The following ABCA3 variants were observed in gnomAD, a reference collection of about 807,000 sequenced individuals.
ABCA3 encodes the protein phospholipid-transporting ATPase ABCA3.
Under a neutral mutation model 172.8 loss-of-function variants are expected in ABCA3, and 88 were observed. That is an observed-to-expected ratio of 0.51 (90% confidence interval 0.43 to 0.61). The LOEUF is 0.61. ABCA3 is among the 20% of genes least tolerant of loss of function. The pLI is 0.00. For synonymous variants in ABCA3, 1,066 were observed against 983.8 expected, an observed-to-expected ratio of 1.08 and a Z score of -1.56; for missense variants, 2,164 against 2,301.0, an observed-to-expected ratio of 0.94 and a Z score of 1.22.
In ABCA3 at chr16:2,285,058, G is replaced by A; in HGVS notation, c.3484-60C>T. ...CAAGCTGAGAGGAGCTCACGGGTAG[G>A]GAAGGGGTGAGAGGAGCATTTGGAG... is the stretch of plus-strand genomic sequence containing the variant. On this transcript the variant is annotated intron_variant, in intron 23 of 32. Transcript: ENST00000301732. The surrounding 1 kb of genome is among the most constrained non-coding windows in gnomAD (Gnocchi z 4.7). 1.3e-6 allele frequency: 2 copies of A among 1,560,934 alleles called. No homozygotes were observed. The highest frequency in any genetic ancestry group is 2.3e-5 in the South Asian group (2 of 87,246).
At chr16:2,304,500 CTTTTTTTTTTTT>C (rs34874417) in intron 11 of ABCA3, among the ~76,000 whole-genome samples, 6 of 84,050 alleles carry the variant, frequency 7.1e-5, no homozygotes, top group African/African-American at 2.9e-4. Context: ...TAGCATAAGT[CTTTTTTTTTTTT>C]TTTTTTTTTT....
intron 1 of ABCA3, among the ~76,000 whole-genome samples, chr16:2,337,727 T>C (rs988279914): frequency 6.6e-6 from 1 of 152,094 alleles, no homozygotes; most frequent in African/African-American, 2.4e-5. Flanking sequence ...GGGGATGAGG[T>C]AGGAACAAAT....
At chr16:2,280,982 G>A (rs1251952178) in intron 28 of ABCA3, 45 bp downstream of exon 28, 3 of 1,612,714 alleles carry the variant, frequency 1.9e-6, no homozygotes, top group African/African-American at 2.7e-5. Context: ...GCCCCCTCCA[G>A]CCATGCCTGT....
intron 12 of ABCA3, among the ~76,000 whole-genome samples, chr16:2,300,936 C>G (rs2093687909): frequency 6.6e-6 from 1 of 152,192 alleles, no homozygotes; most frequent in Admixed American, 6.5e-5. Flanking sequence ...ATTTTAAAAT[C>G]AGAATGCATC....
At chr16:2,334,607 G>C (rs757502446) in intron 1 of ABCA3, among the ~76,000 whole-genome samples, 1 of 151,020 alleles carries the variant, frequency 6.6e-6, no homozygotes, top group Non-Finnish European at 1.5e-5. Flanking sequence ...CGGCCCCCAG[G>C]TTCAAGTAAG....
At position 2,284,922 on chromosome 16, in the gene ABCA3, A is replaced by G. The variant is rs537603427; in HGVS notation, c.3560T>C (p.Leu1187Pro). 14 of 1,613,944 alleles carry G rather than the reference A, an allele frequency of 8.7e-6. No homozygotes were observed. The highest frequency in any genetic ancestry group is 2.5e-6 in the Non-Finnish European group (3 of 1,179,996). Residue 1187 changes from leucine (L) to proline (P), a missense_variant, in exon 24 of 33, where the codon CTC (leucine) becomes CCC (proline). Physicochemically the swap from Leu to Pro is moderately conservative, Grantham distance 98 (BLOSUM62 -3). Around this residue, in one of 3 missense-constraint regions of ABCA3, gnomAD observed 795 missense variants for 881.9 expected, o/e 0.90. Transcript: ENST00000301732. This position sits in a 1 kb window ranked among gnomAD's most constrained non-coding sequence, Gnocchi z 5.9. ...HMADTLLLLLLYGWAIIPLMY... is the reference protein window; with the variant it reads ...HMADTLLLLLPYGWAIIPLMY... ...GAGGGGGATGATGGCCCAGCCGTAGAGCAGGAGCAGCAGCAGGGTGTCAGC... is the reference window on the plus strand; with the variant it reads ...GAGGGGGATGATGGCCCAGCCGTAGGGCAGGAGCAGCAGCAGGGTGTCAGC...
intron 7 of ABCA3, among the ~76,000 whole-genome samples, chr16:2,321,969 G>A (rs1428839308): frequency 6.6e-6 from 1 of 152,152 alleles, no homozygotes; most frequent in African/African-American, 2.4e-5. Flanking sequence ...GGAAGCCGAG[G>A]TGGGTGAATC....
At chr16:2,276,891 T>C in intron 32 of ABCA3, 86 bp from the exon 33 acceptor site, 2 of 1,552,718 alleles carry the variant, frequency 1.3e-6, no homozygotes, top group South Asian at 1.1e-5. Context: ...CAATAGGGGC[T>C]GATGAGGCCC....
At chr16:2,308,365 G>A (rs2093701065) in intron 11 of ABCA3, 85 bp downstream of exon 11, 3 of 1,548,814 alleles carry the variant, frequency 1.9e-6, no homozygotes, top group Middle Eastern at 3.4e-4. Context: ...CCCAGGTGGA[G>A]CCTTGCTGCT....
chr16:2,278,120 G>A lies in ABCA3; in HGVS notation c.4719-51C>T. 1 of 1,610,266 alleles carries A rather than the reference G, an allele frequency of 6.2e-7. No individual in the cohort carries two copies. Among genetic ancestry groups the A allele is most frequent in the Non-Finnish European group, 8.5e-7 (1 of 1,178,784 alleles). On this transcript the variant is annotated intron_variant, in intron 30 of 32. Transcript: ENST00000301732. This position sits in a 1 kb window ranked among gnomAD's most constrained non-coding sequence, Gnocchi z 4.4. Reference sequence around the variant, plus strand: ...AGGGCTTGGGGTGCCAAAGGCTTGTGCAGACAGGAAGGCATTGGCTCTCCG... The same window carrying A: ...AGGGCTTGGGGTGCCAAAGGCTTGTACAGACAGGAAGGCATTGGCTCTCCG...
Position 2,307,064 on chromosome 16 carries a change from C to T in ABCA3, c.1285+1386G>A, listed in dbSNP as rs573742448. Among the ~76,000 whole-genome samples the T allele has an allele frequency of 8.4e-4, 125 of 149,596 alleles. 1 individual carries two copies. The highest frequency in any genetic ancestry group is 2.8e-3 in the African/African-American group (115 of 40,662). On this transcript the variant is annotated intron_variant, in intron 11 of 32. Coordinates refer to ENST00000301732, the MANE Select transcript of ABCA3 (RefSeq NM_001089.3). ...AGAAAAGAAAAGAAAAAAAGTGAGT[C>T]GTGATGATGCCATTGCACTCCAGGC... is the stretch of plus-strand genomic sequence containing the variant.
intron 7 of ABCA3, among the ~76,000 whole-genome samples, chr16:2,321,873 C>T (rs1410169604): frequency 6.6e-6 from 1 of 152,122 alleles, no homozygotes; most frequent in African/African-American, 2.4e-5. Flanking sequence ...AAAATGTAAA[C>T]CAAGCCCCAT....
In ABCA3 at chr16:2,285,569, G is replaced by T. The variant is rs144354522; in HGVS notation, c.3356C>A (p.Ala1119Glu). 6.3e-7 allele frequency: 1 copy of T among 1,576,816 alleles called. No homozygotes were observed. Residue 1119 changes from alanine to glutamate, a missense_variant, in exon 23 of 33, where the codon GCG (alanine) becomes GAG (glutamate). Around this residue, in one of 3 missense-constraint regions of ABCA3, gnomAD observed 795 missense variants for 881.9 expected, o/e 0.90. Transcript: ENST00000301732. The surrounding 1 kb of genome is among the most constrained non-coding windows in gnomAD (Gnocchi z 4.7). ...AFLASTFSIL[A>E]VSERAVQAKH... ...GGCCTGCACGGCCCTCTCGCTGACC[G>T]CCAGGATGGAGAACGTGCTGGCCAA...
intron 10 of ABCA3, among the ~76,000 whole-genome samples, chr16:2,316,195 C>T (rs1171480084): frequency 7.0e-6 from 1 of 142,392 alleles, no homozygotes; most frequent in African/African-American, 2.6e-5. Context: ...GTGGTGTGAG[C>T]TACTCAGAAG....
At position 2,279,201 on chromosome 16, in the gene ABCA3, G is replaced by A; in HGVS notation, c.4360-71C>T. The A allele has an allele frequency of 1.3e-6, 2 of 1,561,618 alleles. No individual in the cohort carries two copies. The highest frequency in any genetic ancestry group is 1.1e-5 in the South Asian group (1 of 89,122). The stretch of plus-strand genomic sequence containing the variant: ...CCTCCTTCCTCCAGAGGACCACGGG[G>A]ACTACCCTTGAGGTGCCCACCACTG... On this transcript the variant is annotated intron_variant, in intron 28 of 32. Coordinates refer to ENST00000301732, the MANE Select transcript of ABCA3 (RefSeq NM_001089.3). The surrounding 1 kb of genome is among the most constrained non-coding windows in gnomAD (Gnocchi z 4.4).
At position 2,276,593 on chromosome 16, in the gene ABCA3, A is replaced by T. The variant is rs894488419; in HGVS notation, c.*81T>A. ...AAAGTGATTAAAAATAAAGGATGAGATAAACTTGGAGAGAGAGGATGTAAG... is the reference window on the plus strand; with the variant it reads ...AAAGTGATTAAAAATAAAGGATGAGTTAAACTTGGAGAGAGAGGATGTAAG... On this transcript the variant is annotated 3_prime_UTR_variant, in exon 33 of 33. Transcript: ENST00000301732. 2.5e-6 allele frequency: 4 copies of T among 1,584,226 alleles called. No homozygotes were observed. The African/African-American group carries it at 5.4e-5, about 21-fold the overall frequency.
chr16:2,324,485 G>A lies in ABCA3; in HGVS notation c.366C>T (p.Tyr122=), dbSNP rs754048121. 54 of 1,610,792 alleles carry A rather than the reference G, an allele frequency of 3.4e-5. No homozygotes were observed. Among genetic ancestry groups the A allele is most frequent in the Admixed American group, 5.0e-5 (3 of 59,984 alleles). The part of the protein sequence containing the change: ...SEKDFEDYIR[Y]DNCSSSVLAA... The stretch of plus-strand genomic sequence containing the variant: ...CCAGCACGCTGGACGAGCAGTTGTC[G>A]TACCTAATGTAGTCCTCAAAGTCCT... Residue 122 remains tyrosine (Y), a synonymous_variant, in exon 6 of 33, where the codon TAC becomes TAT. Transcript: ENST00000301732.
rs1291556822 is a variant in ABCA3, at chr16:2,277,848, C to A, written c.4909+31G>T. 1.9e-6 allele frequency: 3 copies of A among 1,607,324 alleles called. No homozygotes were observed. In the Admixed American group the frequency reaches 5.0e-5, roughly 27 times the overall value. On this transcript the variant is annotated intron_variant, in intron 31 of 32. Coordinates refer to ENST00000301732, the MANE Select transcript of ABCA3 (RefSeq NM_001089.3). The surrounding 1 kb of genome is among the most constrained non-coding windows in gnomAD (Gnocchi z 5.3). ...GGCCTAGGTAGGGGCCCAGGGCCCACCCAGTGGGGGCTGCCGGGGCCGGCA... is the reference window on the plus strand; with the variant it reads ...GGCCTAGGTAGGGGCCCAGGGCCCAACCAGTGGGGGCTGCCGGGGCCGGCA...
At chr16:2,327,214 G>A (rs1465369965) in intron 3 of ABCA3, among the ~76,000 whole-genome samples, 3 of 151,910 alleles carry the variant, frequency 2.0e-5, no homozygotes, top group Non-Finnish European at 4.4e-5. Context: ...TCCTGGGCTT[G>A]TGATCCTCCC....
Sources: gnomAD v4.1 joint callset for allele counts (sites outside exome capture counted in the v4.1 genomes callset) on GRCh38, gnomAD v4.1.1 for gene constraint, gnomAD v4.1.1 regional missense constraint, Gnocchi (gnomAD v3.1) non-coding constraint, MANE v1.5 for transcripts, NCBI Gene and HGNC (gene_info 2026-07-23, HGNC 2026-07-21) for gene names.